Variants in GSE1 observed in about 807,000 individuals in gnomAD.
GSE1 encodes the protein Gse1 coiled-coil protein.
A neutral mutation model predicts 112.6 loss-of-function variants in GSE1; 32 were observed. That is an observed-to-expected ratio of 0.28 (90% CI 0.21 to 0.38). GSE1 has a LOEUF of 0.38. Ranked by LOEUF, GSE1 falls within the 10% of genes least tolerant of loss-of-function variation. The pLI is 1.00. For missense variants in GSE1, 2,348 were observed against 1,699.2 expected (o/e 1.38, Z -6.71); for synonymous variants, 1,115 against 735.6 (o/e 1.52, Z -8.35).
At chr16:85,614,153 C>T (rs1272889564) in intron 1 of GSE1, among the ~76,000 whole-genome samples, 1 of 151,594 alleles carries the variant, frequency 6.6e-6, no homozygotes, top group South Asian at 2.1e-4. Context: ...ACATCCGCCG[C>T]CCCCCACCCG....
intron 1 of GSE1, among the ~76,000 whole-genome samples, chr16:85,346,034 C>T (rs1460385287): frequency 6.8e-6 from 1 of 147,994 alleles, no homozygotes; most frequent in Non-Finnish European, 1.5e-5. Context: ...GACAGATGGA[C>T]AAGTGGATGA....
chr16:85,200,326 A>T (rs527483441), intron 1 of GSE1, among the ~76,000 whole-genome samples: 1 of 150,410 alleles, frequency 6.6e-6, no homozygotes, highest in Non-Finnish European at 1.5e-5. Flanking sequence ...CCTCACCTTT[A>T]TCTAGTAATC....
chr16:85,433,286 G>A (rs1334606461), intron 2 of GSE1, among the ~76,000 whole-genome samples: 1 of 151,810 alleles, frequency 6.6e-6, no homozygotes. Flanking sequence ...CATTTTACAG[G>A]CAAAGGAACT....
At chr16:85,194,420 T>A (rs2074888282) in intron 1 of GSE1, among the ~76,000 whole-genome samples, 1 of 152,158 alleles carries the variant, frequency 6.6e-6, no homozygotes, top group African/African-American at 2.4e-5. Context: ...GTAACCACAA[T>A]GAGCTTCTTT....
In GSE1 at chr16:85,196,095, C is replaced by G. The variant is rs10083753; in HGVS notation, c.2283+24288C>G. On this transcript the variant is annotated intron_variant, in intron 1 of 2. Transcript: ENST00000637419. Reference sequence around the variant, plus strand: ...CGCCCAGTGGGGAAAAACGAGGGCTCTAAATAGTCTCAGGGCAGGGCAGTT... The same window carrying G: ...CGCCCAGTGGGGAAAAACGAGGGCTGTAAATAGTCTCAGGGCAGGGCAGTT... Among the ~76,000 whole-genome samples, 1,056 of 152,294 alleles carry G rather than the reference C, an allele frequency of 6.9e-3. 11 individuals carry two copies. Among genetic ancestry groups the G allele is most frequent in the African/African-American group, 0.024 (1,010 of 41,560 alleles).
chr16:85,672,084 C>G (rs546214566), intron 15 of GSE1: 1 of 302,302 alleles, frequency 3.3e-6, no homozygotes, highest in Admixed American at 4.2e-5. Flanking sequence ...CTGCAACCTC[C>G]GCCTCCTGGG....
At chr16:85,339,194 G>T (rs1016311598) in intron 1 of GSE1, among the ~76,000 whole-genome samples, 1 of 152,168 alleles carries the variant, frequency 6.6e-6, no homozygotes, top group African/African-American at 2.4e-5. Flanking sequence ...AGTTCTCATG[G>T]CTATTTTACG....
chr16:85,654,597 C>A, intron 4 of GSE1, 147 bp downstream of exon 4: 1 of 778,180 alleles, frequency 1.3e-6, no homozygotes, highest in East Asian at 2.7e-5. Context: ...GATTGCAGCC[C>A]TGTCTGTGCC....
upstream of GSE1, among the ~76,000 whole-genome samples, chr16:85,611,251 A>C (rs1452153073): frequency 6.7e-6 from 1 of 150,032 alleles, no homozygotes; most frequent in African/African-American, 2.5e-5. Context: ...ATTCCTTCCT[A>C]ACACCTCCCT....
intron 1 of GSE1, among the ~76,000 whole-genome samples, chr16:85,588,633 G>A (rs578028251): frequency 3.9e-5 from 6 of 152,334 alleles, no homozygotes; most frequent in South Asian, 4.1e-4. Context: ...ACCTTTGCTG[G>A]GACAAGAAGT....
chr16:85,665,228 G>A (rs1314334775), intron 12 of GSE1, 100 bp downstream of exon 12: 4 of 670,762 alleles, frequency 6.0e-6, no homozygotes, highest in Admixed American at 2.3e-5. Context: ...TGTGAATGTG[G>A]CCTCCTGCAG....
chr16:85,317,878 C>G (rs933662501), intron 1 of GSE1, among the ~76,000 whole-genome samples: 4 of 152,236 alleles, frequency 2.6e-5, no homozygotes, highest in African/African-American at 9.6e-5. Flanking sequence ...TCGTGTGAAT[C>G]GTCAGGTGTT....
intron 1 of GSE1, among the ~76,000 whole-genome samples, chr16:85,575,904 T>G (rs920860031): frequency 2.7e-5 from 3 of 111,702 alleles, no homozygotes; most frequent in East Asian, 3.1e-4. Flanking sequence ...TCGTTTCTGT[T>G]TTTTTTTTTT....
intron 2 of GSE1, among the ~76,000 whole-genome samples, chr16:85,471,171 C>T (rs926437855): frequency 1.2e-4 from 18 of 152,194 alleles, no homozygotes; most frequent in African/African-American, 3.4e-4. Context: ...TGCCCAGAGA[C>T]GCCCAGTCCC....
intron 2 of GSE1, among the ~76,000 whole-genome samples, chr16:85,514,955 G>T (rs1194135796): frequency 6.6e-6 from 1 of 152,184 alleles, no homozygotes; most frequent in African/African-American, 2.4e-5. Context: ...TTGCCTATGA[G>T]TGTGCATGTG....
intron 1 of GSE1, among the ~76,000 whole-genome samples, chr16:85,628,223 T>G (rs565383628): frequency 2.3e-4 from 35 of 152,280 alleles, no homozygotes; most frequent in African/African-American, 7.2e-4. Flanking sequence ...AATTTTAGAT[T>G]CCCCCTAATG....
In GSE1 at chr16:85,558,392, G is replaced by A. The variant is rs530172816; in HGVS notation, c.37+2029G>A. Among the ~76,000 whole-genome samples the A allele has an allele frequency of 2.0e-5, 3 of 152,068 alleles. No homozygotes were observed. The South Asian group carries it at 6.2e-4, about 32-fold the overall frequency. On this transcript the variant is annotated intron_variant, in intron 1 of 2. Coordinates refer to the GSE1 transcript ENST00000635906. ...AGTACAGGGCGTCTTCAAAGCACAG[G>A]TGTTTGTAATCTACACCCCTCTTCA...
chr16:85,478,968 C>CTTTT, intron 2 of GSE1, among the ~76,000 whole-genome samples: 1 of 16,920 alleles, frequency 5.9e-5, no homozygotes, highest in African/African-American at 5.2e-4. Context: ...TCTTTCTTTC[C>CTTTT]TTCCTTCCTT....
At chr16:85,308,089 G>C (rs1431984667) in intron 1 of GSE1, among the ~76,000 whole-genome samples, 1 of 152,214 alleles carries the variant, frequency 6.6e-6, no homozygotes, top group Non-Finnish European at 1.5e-5. Context: ...GTGGGCAAAG[G>C]AGGGACTTGG....
Sources: gnomAD v4.1 joint callset for allele counts (sites outside exome capture counted in the v4.1 genomes callset) on GRCh38, gnomAD v4.1.1 for gene constraint, MANE v1.5 for transcripts, NCBI Gene and HGNC (gene_info 2026-07-23, HGNC 2026-07-21) for gene names.